The following GALNT13 variants were observed in gnomAD, a reference collection of about 807,000 sequenced individuals.
GALNT13 encodes polypeptide N-acetylgalactosaminyltransferase 13.
A neutral mutation model predicts 64.2 loss-of-function variants in GALNT13; 28 were observed. That is an observed-to-expected ratio of 0.44 (90% CI 0.32 to 0.60). The LOEUF (loss-of-function observed/expected upper bound fraction) is 0.60, where lower values mean the gene tolerates loss of function less well. Ranked by LOEUF, GALNT13 falls within the 20% of genes least tolerant of loss-of-function variation. GALNT13 has a pLI of 0.05. For missense variants in GALNT13, 577 were observed against 669.8 expected, an observed-to-expected ratio of 0.86 and a Z score of 1.53; for synonymous variants, 214 against 224.6, an observed-to-expected ratio of 0.95 and a Z score of 0.42.
chr2:153,407,012 A>C, the GALNT13 span, among the ~76,000 whole-genome samples: 1 of 152,134 alleles, frequency 6.6e-6, no homozygotes, highest in Non-Finnish European at 1.5e-5. Context: ...AAATTATCTT[A>C]AATATTAAGA....
intron 9 of GALNT13, among the ~76,000 whole-genome samples, chr2:154,354,971 C>A (rs531952641): frequency 6.6e-6 from 1 of 152,186 alleles, no homozygotes; most frequent in African/African-American, 2.4e-5. Flanking sequence ...TCTGCCATTG[C>A]CTGCCATAAC....
chr2:154,065,807 GTAATGCCCAGACACTGACAAA>G (rs1389139730), intron 3 of GALNT13, among the ~76,000 whole-genome samples: 3 of 152,142 alleles, frequency 2.0e-5, no homozygotes, highest in Non-Finnish European at 4.4e-5. Context: ...TCTGAATTCT[GTAATGCCCAGACACTGACAAA>G]TATCCACAAG....
the GALNT13 span, among the ~76,000 whole-genome samples, chr2:153,581,169 A>G: frequency 2.9e-4 from 44 of 152,162 alleles, no homozygotes; most frequent in African/African-American, 7.9e-4. Context: ...CCTGTAAGTG[A>G]TTATTGGATT....
At chr2:154,160,488 C>T (rs1235114456) in intron 4 of GALNT13, among the ~76,000 whole-genome samples, 1 of 152,088 alleles carries the variant, frequency 6.6e-6, no homozygotes, top group Non-Finnish European at 1.5e-5. Context: ...TGCAAAGGTA[C>T]TTCTTCAACC....
chr2:154,155,598 A>C (rs1684366374), intron 4 of GALNT13, among the ~76,000 whole-genome samples: 1 of 151,994 alleles, frequency 6.6e-6, no homozygotes, highest in Non-Finnish European at 1.5e-5. Flanking sequence ...AAATAGCTTA[A>C]CTCATGATAG....
In GALNT13 at chr2:153,948,620, C is replaced by T. The variant is rs369966107; in HGVS notation, c.142+3981C>T. Among the ~76,000 whole-genome samples the T allele has an allele frequency of 4.7e-4, 71 of 152,154 alleles. No individual in the cohort carries two copies. The East Asian group carries it at 9.5e-3, about 20-fold the overall frequency. On this transcript the variant is annotated intron_variant, in intron 3 of 12. Coordinates refer to ENST00000392825, the MANE Select transcript of GALNT13 (RefSeq NM_052917.4). ...GGAGTCAACCTAAATGCCCATCAAT[C>T]ATAGGCTGGATAAAGAAAATATGGT...
At chr2:153,659,806 A>T in the GALNT13 span, among the ~76,000 whole-genome samples, 1 of 152,168 alleles carries the variant, frequency 6.6e-6, no homozygotes, top group Non-Finnish European at 1.5e-5. Flanking sequence ...TAAATTTTTT[A>T]AAAGAGAAAA....
chr2:154,206,374 G>A (rs1411648547), intron 4 of GALNT13, among the ~76,000 whole-genome samples: 2 of 152,030 alleles, frequency 1.3e-5, no homozygotes, highest in African/African-American at 4.8e-5. Flanking sequence ...GATATATCTA[G>A]AGAGAAAGAG....
chr2:153,273,961 G>A, the GALNT13 span, among the ~76,000 whole-genome samples: 1 of 152,026 alleles, frequency 6.6e-6, no homozygotes, highest in Non-Finnish European at 1.5e-5. Flanking sequence ...GTTTATCATG[G>A]CAAGCATTCC....
the GALNT13 span, among the ~76,000 whole-genome samples, chr2:153,512,234 A>T: frequency 4.6e-5 from 7 of 152,142 alleles, no homozygotes; most frequent in African/African-American, 1.7e-4. Context: ...TAGAGTTTGT[A>T]GTTGACTGCC....
chr2:153,922,033 A>G (rs1433811570), intron 2 of GALNT13, among the ~76,000 whole-genome samples: 1 of 152,170 alleles, frequency 6.6e-6, no homozygotes, highest in Non-Finnish European at 1.5e-5. Flanking sequence ...AAAAAAATCC[A>G]TGTATCGGTT....
At chr2:153,953,463 G>C (rs936659999) in intron 3 of GALNT13, among the ~76,000 whole-genome samples, 4 of 152,040 alleles carry the variant, frequency 2.6e-5, no homozygotes, top group African/African-American at 9.7e-5. Flanking sequence ...TTACATGTGA[G>C]GAACTGAGAC....
chr2:154,389,434 C>A (rs879272144), intron 9 of GALNT13, among the ~76,000 whole-genome samples: 1 of 152,162 alleles, frequency 6.6e-6, no homozygotes, highest in Non-Finnish European at 1.5e-5. Flanking sequence ...CCACAGTGGC[C>A]ACTTAAGCAT....
At chr2:154,123,301 A>G (rs116035235) in intron 3 of GALNT13, among the ~76,000 whole-genome samples, 2,428 of 152,066 alleles carry the variant, frequency 0.016, 53 homozygotes, top group African/African-American at 0.054. Flanking sequence ...TCATGTGGAC[A>G]TAGTGTGTAT....
chr2:153,739,588 A>G, the GALNT13 span, among the ~76,000 whole-genome samples: 14 of 104,460 alleles, frequency 1.3e-4, no homozygotes, highest in Admixed American at 1.2e-3. Context: ...TCATTATTTT[A>G]TTTATTTATT....
At chr2:153,974,374 G>C (rs1693941621) in intron 3 of GALNT13, among the ~76,000 whole-genome samples, 1 of 152,092 alleles carries the variant, frequency 6.6e-6, no homozygotes, top group Non-Finnish European at 1.5e-5. Context: ...GTGTGACCTT[G>C]TTAAATTCAT....
intron 3 of GALNT13, among the ~76,000 whole-genome samples, chr2:153,952,061 C>A (rs563446168): frequency 1.3e-5 from 2 of 152,206 alleles, no homozygotes; most frequent in South Asian, 4.2e-4. Context: ...CCCTTTCGTG[C>A]CACTCTGATG....
the GALNT13 span, among the ~76,000 whole-genome samples, chr2:153,361,534 T>G: frequency 6.6e-6 from 1 of 151,932 alleles, no homozygotes; most frequent in Non-Finnish European, 1.5e-5. Context: ...AAAAATGACC[T>G]AATGGAGCTG....
chr2:153,241,822 T>C, the GALNT13 span, among the ~76,000 whole-genome samples: 1 of 151,916 alleles, frequency 6.6e-6, no homozygotes, highest in African/African-American at 2.4e-5. Context: ...GAATTTGTCT[T>C]TCTGTAATGG....
Sources: allele counts gnomAD v4.1 joint callset (sites outside exome capture counted in the v4.1 genomes callset), GRCh38; gene constraint gnomAD v4.1.1; transcripts MANE v1.5; gene names NCBI Gene and HGNC (gene_info 2026-07-23, HGNC 2026-07-21).